The following C1orf94 variants were observed in gnomAD, a reference collection of about 807,000 sequenced individuals.
The protein encoded by C1orf94 is uncharacterized protein C1orf94.
C1orf94 carries 45 observed loss-of-function variants against 53.6 expected under a neutral mutation model. The ratio of observed to expected loss-of-function variants is 0.84; its 90% CI spans 0.66 to 1.08. The LOEUF (loss-of-function observed/expected upper bound fraction) is 1.08, where lower values mean the gene tolerates loss of function less well. Among genes scored for constraint, C1orf94 ranks in the 50% least tolerant of loss-of-function variants. The pLI is 0.00. For missense variants in C1orf94, 762 were observed against 738.9 expected (o/e 1.03, Z -0.36); for synonymous variants, 304 against 296.1 (o/e 1.03, Z -0.27).
At chr1:34,212,789 G>A (rs1410867038) in intron 6 of C1orf94, among the ~76,000 whole-genome samples, 1 of 152,116 alleles carries the variant, frequency 6.6e-6, no homozygotes, top group Non-Finnish European at 1.5e-5. Flanking sequence ...ACCTCCCACT[G>A]TCCGCACCCT....
In C1orf94 at chr1:34,178,121, C is replaced by G. The variant is rs970101073; in HGVS notation, c.320+12C>G. ...AGCTTTCAAGAAGAGTAAGTACCCC[C>G]CTACTCCATTGGCAGCAAGGGAGGA... On this transcript the variant is annotated intron_variant, in intron 1 of 6. Transcript: ENST00000488417. 3.2e-6 allele frequency: 5 copies of G among 1,547,126 alleles called. No homozygotes were observed. The African/African-American group carries it at 4.1e-5, about 13-fold the overall frequency.
Position 34,197,206 on chromosome 1 carries a change from C to T in C1orf94, c.321-19C>T, listed in dbSNP as rs942562205. ...GTGAGCTGGCACTAACACCGTCTGTCTCTCTGACCCATTTCCAGAGCTCTG... is the reference window on the plus strand; with the variant it reads ...GTGAGCTGGCACTAACACCGTCTGTTTCTCTGACCCATTTCCAGAGCTCTG... On this transcript the variant is annotated intron_variant, in intron 1 of 6. Coordinates refer to ENST00000488417, the MANE Select transcript of C1orf94 (RefSeq NM_001134734.2). The surrounding 1 kb of genome is among the most constrained non-coding windows in gnomAD (Gnocchi z 4.1). The T allele has an allele frequency of 1.3e-6, 2 of 1,496,072 alleles. No homozygotes were observed. Among genetic ancestry groups the T allele is most frequent in the Admixed American group, 4.5e-5 (2 of 44,174 alleles). 92.7% of individuals were successfully genotyped at this position (1,496,072 alleles called of 1,614,324 possible). A position where few individuals can be genotyped will look rare whatever the true frequency, so the allele number is the denominator to read the frequency against.
chr1:34,217,643 C>T (rs191597357), intron 6 of C1orf94, among the ~76,000 whole-genome samples: 1 of 152,318 alleles, frequency 6.6e-6, no homozygotes, highest in East Asian at 1.9e-4. Context: ...GACAACCCAG[C>T]CCAACTTGCC....
At chr1:34,194,142 C>T (rs1642542439) in intron 1 of C1orf94, among the ~76,000 whole-genome samples, 1 of 152,168 alleles carries the variant, frequency 6.6e-6, no homozygotes, top group Admixed American at 6.5e-5. Context: ...AAAAGTTGTG[C>T]AGAGGCACAT....
chr1:34,197,579 G>A lies in C1orf94; in HGVS notation c.675G>A (p.Arg225=), dbSNP rs3795412. 0.17 allele frequency: 281,853 copies of A among 1,613,978 alleles called. 25,767 individuals are homozygous for A. Among genetic ancestry groups the A allele is most frequent in the Middle Eastern group, 0.21 (1,252 of 6,062 alleles). Residue 225 remains arginine, a synonymous_variant, in exon 2 of 7, where the codon AGG becomes AGA. Transcript: ENST00000488417. The surrounding 1 kb of genome is among the most constrained non-coding windows in gnomAD (Gnocchi z 4.1). ...AGAGCAGCAAGGGGACAGAGGACAG[G>A]GGCCGCATCCTAGGTGACTCCAACT... ...EVKSSKGTED[R]GRILGDSNLQ... is the part of the protein sequence containing the mutation.
intron 1 of C1orf94, among the ~76,000 whole-genome samples, chr1:34,169,636 T>TAGAGAGAGAGAGAGAGAGA (rs1642112603): frequency 1.2e-5 from 1 of 82,594 alleles, no homozygotes. Flanking sequence ...AGAGAGAGAG[T>TAGAGAGAGAGAGAGAGAGA]GAGCAAATGG....
chr1:34,207,810 G>A (rs902771301), intron 4 of C1orf94, among the ~76,000 whole-genome samples: 1 of 152,190 alleles, frequency 6.6e-6, no homozygotes, highest in Non-Finnish European at 1.5e-5. Flanking sequence ...GCAGGCCTGA[G>A]CACATGCAAT....
At chr1:34,178,764 G>A (rs546790450) in intron 1 of C1orf94, among the ~76,000 whole-genome samples, 8 of 138,002 alleles carry the variant, frequency 5.8e-5, no homozygotes, top group South Asian at 4.7e-4. Context: ...GTTGAGGATG[G>A]ATATTCGAAA....
chr1:34,199,319 A>G (rs985325697), intron 2 of C1orf94, among the ~76,000 whole-genome samples: 1 of 152,156 alleles, frequency 6.6e-6, no homozygotes, highest in Non-Finnish European at 1.5e-5. Flanking sequence ...GGAAAGGGCT[A>G]TTATCAGTGG....
intron 5 of C1orf94, 92 bp downstream of exon 5, chr1:34,208,326 G>A (rs1642833656): frequency 1.6e-6 from 2 of 1,280,474 alleles, no homozygotes; most frequent in Non-Finnish European, 1.1e-6. Flanking sequence ...TCCAGCTGGT[G>A]ACCAGACACC....
intron 1 of C1orf94, among the ~76,000 whole-genome samples, chr1:34,189,783 T>C (rs1642453006): frequency 6.6e-6 from 1 of 152,226 alleles, no homozygotes; most frequent in South Asian, 2.1e-4. Flanking sequence ...CACTGGGTTC[T>C]GTCTTCTGCT....
At chr1:34,217,185 C>T (rs1425492092) in intron 6 of C1orf94, among the ~76,000 whole-genome samples, 1 of 152,184 alleles carries the variant, frequency 6.6e-6, no homozygotes, top group Non-Finnish European at 1.5e-5. Flanking sequence ...ACTCAAGCTC[C>T]TCCTCCTCCA....
chr1:34,173,390 G>A (rs945855850), upstream of C1orf94, among the ~76,000 whole-genome samples: 6 of 152,318 alleles, frequency 3.9e-5, no homozygotes, highest in Non-Finnish European at 8.8e-5. Flanking sequence ...AGCAGCCTTA[G>A]GGGCTATATG....
chr1:34,205,828 C>T (rs1486693093), intron 4 of C1orf94, among the ~76,000 whole-genome samples: 1 of 152,106 alleles, frequency 6.6e-6, no homozygotes. Flanking sequence ...ATGTGAAAGA[C>T]AAAGTCCCCA....
chr1:34,174,812 C>T (rs1228696655), upstream of C1orf94, among the ~76,000 whole-genome samples: 1 of 152,174 alleles, frequency 6.6e-6, no homozygotes, highest in African/African-American at 2.4e-5. Flanking sequence ...CACCAAGGCA[C>T]AGAGTAACTT....
intron 4 of C1orf94, among the ~76,000 whole-genome samples, chr1:34,207,872 C>A (rs1194564235): frequency 6.6e-6 from 1 of 152,212 alleles, no homozygotes; most frequent in Non-Finnish European, 1.5e-5. Flanking sequence ...CAAGGTCACA[C>A]AGCCACTAAA....
rs1273191535 is a variant in C1orf94, at chr1:34,177,710, C to G, written c.-80C>G. 5.1e-6 allele frequency: 7 copies of G among 1,359,478 alleles called. No homozygotes were observed. Among genetic ancestry groups the G allele is most frequent in the African/African-American group, 1.5e-5 (1 of 67,992 alleles). 84.2% of individuals were successfully genotyped at this position (1,359,478 alleles called of 1,614,324 possible). On this transcript the variant is annotated 5_prime_UTR_variant, in exon 1 of 7. Coordinates refer to ENST00000488417, the MANE Select transcript of C1orf94 (RefSeq NM_001134734.2). ...CCACACAAATAGAAGGCCTCTGAAC[C>G]TAACCACCTTGCTGGAGCGAAAGCC...
intron 6 of C1orf94, among the ~76,000 whole-genome samples, chr1:34,217,130 C>T (rs747520461): frequency 9.2e-5 from 14 of 152,084 alleles, no homozygotes; most frequent in Admixed American, 2.0e-4. Context: ...ACATAGAGGC[C>T]GGCCCAGGCA....
intron 1 of C1orf94, among the ~76,000 whole-genome samples, chr1:34,190,361 G>T (rs190474358): frequency 6.6e-6 from 1 of 152,166 alleles, no homozygotes; most frequent in African/African-American, 2.4e-5. Flanking sequence ...CACCTCCAAG[G>T]CCTGGCAGAT....
Sources: allele counts gnomAD v4.1 joint callset (sites outside exome capture counted in the v4.1 genomes callset), GRCh38; gene constraint gnomAD v4.1.1; non-coding constraint Gnocchi (gnomAD v3.1); transcripts MANE v1.5; gene names NCBI Gene and HGNC (gene_info 2026-07-23, HGNC 2026-07-21).